Variants in GLG1 observed in about 807,000 individuals in gnomAD.
The protein encoded by GLG1 is Golgi apparatus protein 1.
A neutral mutation model predicts 160.5 loss-of-function variants in GLG1; 38 were observed. The ratio of observed to expected loss-of-function variants is 0.24; its 90% CI spans 0.18 to 0.31. The LOEUF is 0.31. Ranked by LOEUF, GLG1 falls within the 10% of genes least tolerant of loss-of-function variation. The pLI, the probability that GLG1 is intolerant of heterozygous loss-of-function variation, is 1.00. For synonymous variants in GLG1, 644 were observed against 543.4 expected (o/e 1.19, Z -2.57); for missense variants, 1,373 against 1,505.2 (o/e 0.91, Z 1.45).
chr16:74,592,254 T>C (rs1958201990), intron 1 of GLG1, among the ~76,000 whole-genome samples: 1 of 152,230 alleles, frequency 6.6e-6, no homozygotes, highest in African/African-American at 2.4e-5. Context: ...GCGATTCTCC[T>C]GCCTCAGCCT....
rs532959659 is a variant in GLG1 at position 74,599,895 on chromosome 16, A to T, written c.438+6762T>A. ...AAAACAAAAAAAAAATTAGCCAGGC[A>T]TGGTGGCTGGTGCCTGTAATCCCTG... On this transcript the variant is annotated intron_variant, in intron 1 of 25. Transcript: ENST00000422840. 1.7e-3 allele frequency among the ~76,000 whole-genome samples: 260 copies of T among 151,826 alleles called. 2 individuals carry two copies. The highest frequency in any genetic ancestry group is 3.3e-3 in the Non-Finnish European group (222 of 67,944).
intron 1 of GLG1, among the ~76,000 whole-genome samples, chr16:74,557,101 T>C (rs1471627348): frequency 6.6e-6 from 1 of 152,158 alleles, no homozygotes; most frequent in Non-Finnish European, 1.5e-5. Flanking sequence ...GCACCCCTAA[T>C]TGGTGTGGGG....
At chr16:74,574,394 T>C (rs1053666692) in intron 1 of GLG1, among the ~76,000 whole-genome samples, 4 of 152,158 alleles carry the variant, frequency 2.6e-5, no homozygotes, top group Admixed American at 6.5e-5. Flanking sequence ...CAGTAACAGA[T>C]AGGGATACTG....
intron 3 of GLG1, among the ~76,000 whole-genome samples, chr16:74,506,463 T>A (rs992109344): frequency 2.6e-5 from 4 of 151,150 alleles, no homozygotes; most frequent in African/African-American, 9.7e-5. Flanking sequence ...GTGCCTGTAG[T>A]CCCAGCTACT....
In GLG1 at chr16:74,606,921, C is replaced by T. The variant is rs773124269; in HGVS notation, c.174G>A (p.Pro58=). The T allele has an allele frequency of 3.1e-6, 5 of 1,606,732 alleles. No homozygotes were observed. Among genetic ancestry groups the T allele is most frequent in the Non-Finnish European group, 4.2e-6 (5 of 1,178,220 alleles). Residue 58 remains proline (P), a synonymous_variant, in exon 1 of 26, where the codon CCG becomes CCA. Transcript: ENST00000422840. ...SFVGQAGGGG[P]AGQQLPQLPQ... ...GCAGCTGGGGCAGCTGCTGACCCGC[C>T]GGGCCGCCGCCTCCGGCCTGCCCTA... is the stretch of plus-strand genomic sequence containing the variant.
At position 74,515,300 on chromosome 16, in the gene GLG1, T is replaced by C. The variant is rs145835292; in HGVS notation, c.472-6375A>G. Among the ~76,000 whole-genome samples, 85 of 152,284 alleles carry C rather than the reference T, an allele frequency of 5.6e-4. No homozygotes were observed. In the East Asian group the frequency reaches 0.014, roughly 25 times the overall value. ...TCAGCTCTGGAGCGGGCAGACCTAA[T>C]AGACATCTACAGAACTCTCCACCCC... is the stretch of plus-strand genomic sequence containing the variant. On this transcript the variant is annotated intron_variant, in intron 2 of 25. Coordinates refer to ENST00000422840, the MANE Select transcript of GLG1 (RefSeq NM_001145667.2).
chr16:74,508,411 T>C (rs2016689761), intron 3 of GLG1, among the ~76,000 whole-genome samples: 1 of 152,196 alleles, frequency 6.6e-6, no homozygotes, highest in South Asian at 2.1e-4. Context: ...TAAATAATTT[T>C]TAAAATCTTA....
At chr16:74,521,484 G>C (rs1218428026) in intron 2 of GLG1, among the ~76,000 whole-genome samples, 1 of 152,122 alleles carries the variant, frequency 6.6e-6, no homozygotes, top group Non-Finnish European at 1.5e-5. Context: ...GGAGCAGCCA[G>C]AAGATTACTA....
chr16:74,544,248 G>A (rs546633519), intron 1 of GLG1, among the ~76,000 whole-genome samples: 1 of 152,330 alleles, frequency 6.6e-6, no homozygotes, highest in Non-Finnish European at 1.5e-5. Flanking sequence ...AGAGATCTGG[G>A]AACAAATTTG....
intron 1 of GLG1, among the ~76,000 whole-genome samples, chr16:74,577,685 T>A (rs2019043479): frequency 6.6e-6 from 1 of 152,024 alleles, no homozygotes; most frequent in African/African-American, 2.4e-5. Context: ...ATCATCATGG[T>A]TCACTGCAAG....
chr16:74,478,377 T>C (rs1353937373), intron 11 of GLG1, among the ~76,000 whole-genome samples: 3 of 152,078 alleles, frequency 2.0e-5, no homozygotes, highest in Non-Finnish European at 2.9e-5. Context: ...TAGCAGAGGG[T>C]AAAGCAGGTG....
intron 4 of GLG1, among the ~76,000 whole-genome samples, chr16:74,497,467 T>G (rs986153906): frequency 7.3e-6 from 1 of 137,590 alleles, no homozygotes; most frequent in Middle Eastern, 3.5e-3. Context: ...AGACGGAGTC[T>G]CGCTCTTTCG....
intron 1 of GLG1, among the ~76,000 whole-genome samples, chr16:74,542,766 G>GAAGGAAGGAAGGAAGGAAGGAAAGGA (rs1555514671): frequency 8.4e-6 from 1 of 119,702 alleles, no homozygotes; most frequent in African/African-American, 3.3e-5. Context: ...AGGAAGGAAG[G>GAAGGAAGGAAGGAAGGAAGGAAAGGA]AAGGAAGGAA....
intron 13 of GLG1, 195 bp downstream of exon 13, chr16:74,474,351 A>C: frequency 5.2e-6 from 3 of 572,840 alleles, no homozygotes; most frequent in Non-Finnish European, 9.3e-6. Flanking sequence ...GTGTTGTTCT[A>C]GAGAAATGAG....
Position 74,510,927 on chromosome 16 carries a change from C to T in GLG1, c.472-2002G>A, listed in dbSNP as rs564593034. Among the ~76,000 whole-genome samples the T allele has an allele frequency of 8.5e-5, 13 of 152,098 alleles. No homozygotes were observed. In the South Asian group the frequency reaches 1.9e-3, roughly 22 times the overall value. On this transcript the variant is annotated intron_variant, in intron 2 of 25. Coordinates refer to ENST00000422840, the MANE Select transcript of GLG1 (RefSeq NM_001145667.2). The stretch of plus-strand genomic sequence containing the variant: ...CAGGGAAGATTTACCATAGAAAATG[C>T]TAAGATGAAACCTGAAAGGCTAGAA...
intron 1 of GLG1, among the ~76,000 whole-genome samples, chr16:74,579,598 T>C (rs922717698): frequency 6.6e-6 from 1 of 151,956 alleles, no homozygotes; most frequent in African/African-American, 2.4e-5. Context: ...GGCACACACC[T>C]GTAGTCCCAG....
At chr16:74,470,668 G>A (rs1016759040) in intron 15 of GLG1, among the ~76,000 whole-genome samples, 5 of 152,094 alleles carry the variant, frequency 3.3e-5, no homozygotes, top group Admixed American at 1.3e-4. Context: ...GGTTGGTCTC[G>A]AGTTCCTGAC....
chr16:74,571,326 C>A (rs995135366), intron 1 of GLG1, among the ~76,000 whole-genome samples: 1 of 152,132 alleles, frequency 6.6e-6, no homozygotes, highest in African/African-American at 2.4e-5. Context: ...TTGAGTACTG[C>A]CCAAAAATCT....
Position 74,465,703 on chromosome 16 carries a change from G to A in GLG1, c.2640C>T (p.Leu880=). ...TTATCATCTGCTTGCAGACCCTCAT[G>A]AGGGTGTAGTCTAGCTCTGGGTCCA... is the stretch of plus-strand genomic sequence containing the variant. ...EMMDPELDYT[L]MRVCKQMIKR... is the part of the protein sequence containing the mutation. The change falls in exon 19 of 26, where the codon CTC becomes CTT. Residue 880 remains leucine, a synonymous_variant. Coordinates refer to ENST00000422840, the MANE Select transcript of GLG1 (RefSeq NM_001145667.2). 2 of 1,614,024 alleles carry A rather than the reference G, an allele frequency of 1.2e-6. No individual in the cohort carries two copies. Among genetic ancestry groups the A allele is most frequent in the Non-Finnish European group, 1.7e-6 (2 of 1,179,950 alleles).
Sources: allele counts gnomAD v4.1 joint callset (sites outside exome capture counted in the v4.1 genomes callset), GRCh38; gene constraint gnomAD v4.1.1; transcripts MANE v1.5; gene names NCBI Gene and HGNC (gene_info 2026-07-23, HGNC 2026-07-21).